PTPRN2: variants seen among roughly 807,000 people sequenced by gnomAD.
PTPRN2 encodes the protein protein tyrosine phosphatase receptor type N2, also known as receptor-type tyrosine-protein phosphatase N2.
In PTPRN2, 74 loss-of-function variants were observed where a neutral mutation model predicts 118.8. The observed-to-expected ratio is 0.62, with a 90% CI of 0.52 to 0.76. PTPRN2 has a LOEUF of 0.76. Ranked by LOEUF, PTPRN2 falls within the 30% of genes least tolerant of loss-of-function variation. PTPRN2 has a pLI of 0.00. For synonymous variants in PTPRN2, 641 were observed against 608.0 expected (o/e 1.05, Z -0.80); for missense variants, 1,481 against 1,394.4 (o/e 1.06, Z -0.99).
intron 3 of PTPRN2, among the ~76,000 whole-genome samples, chr7:158,245,221 AACCC>A (rs1796157231): frequency 2.0e-5 from 2 of 99,304 alleles, no homozygotes; most frequent in Non-Finnish European, 4.5e-5. Context: ...GTCATGCCGG[AACCC>A]ATGGCCATGC....
intron 9 of PTPRN2, among the ~76,000 whole-genome samples, chr7:158,118,288 T>A (rs1816887577): frequency 6.6e-6 from 1 of 152,314 alleles, no homozygotes; most frequent in East Asian, 1.9e-4. Context: ...TAAAGGAGCA[T>A]AATTTTTGTA....
rs112305931 is a variant in PTPRN2 at position 158,388,131 on chromosome 7, C to T, written c.164-71199G>A. 2.5e-3 allele frequency among the ~76,000 whole-genome samples: 379 copies of T among 152,264 alleles called. 1 individual carries two copies. Among genetic ancestry groups the T allele is most frequent in the African/African-American group, 8.6e-3 (357 of 41,548 alleles). ...ACCCCAGGATGTAGCCACCTCTCCCCTGTGTCGGCTTCACTCTGCAGGTCT... is the reference window on the plus strand; with the variant it reads ...ACCCCAGGATGTAGCCACCTCTCCCTTGTGTCGGCTTCACTCTGCAGGTCT... On this transcript the variant is annotated intron_variant, in intron 2 of 22. Coordinates refer to ENST00000389418, the MANE Select transcript of PTPRN2 (RefSeq NM_002847.5).
intron 11 of PTPRN2, among the ~76,000 whole-genome samples, chr7:158,027,114 C>T (rs1026514501): frequency 2.6e-5 from 4 of 152,186 alleles, no homozygotes; most frequent in Non-Finnish European, 4.4e-5. Flanking sequence ...TCACCCACCC[C>T]AGCCCCAGGC....
At chr7:157,628,303 C>T (rs1398153227) in intron 14 of PTPRN2, among the ~76,000 whole-genome samples, 2 of 152,242 alleles carry the variant, frequency 1.3e-5, no homozygotes, top group Non-Finnish European at 2.9e-5. Flanking sequence ...AAATGGTCAA[C>T]ACCTTGAGGT....
intron 11 of PTPRN2, among the ~76,000 whole-genome samples, chr7:157,932,578 T>C (rs1438551405): frequency 6.6e-6 from 1 of 150,936 alleles, no homozygotes; most frequent in African/African-American, 2.4e-5. Flanking sequence ...GGTGAGTCAC[T>C]TGGACATTTT....
chr7:158,209,734 T>C lies in PTPRN2; in HGVS notation c.278-4461A>G, dbSNP rs984743824. 2.0e-5 allele frequency among the ~76,000 whole-genome samples: 3 copies of C among 152,242 alleles called. 1 individual carries two copies. Among genetic ancestry groups the C allele is most frequent in the Non-Finnish European group, 4.4e-5 (3 of 68,040 alleles). On this transcript the variant is annotated intron_variant, in intron 3 of 22. Transcript: ENST00000389418. Reference sequence around the variant, plus strand: ...TACAGAACATTTCATTCAATGGCTATGAAATCCACATTCTTCTCCTCAACA... The same window carrying C: ...TACAGAACATTTCATTCAATGGCTACGAAATCCACATTCTTCTCCTCAACA...
At chr7:157,719,737 T>G (rs1008540656) in intron 12 of PTPRN2, among the ~76,000 whole-genome samples, 1 of 152,196 alleles carries the variant, frequency 6.6e-6, no homozygotes, top group Non-Finnish European at 1.5e-5. Context: ...CCCAGACCCC[T>G]CTCTGAAGAC....
Position 158,360,071 on chromosome 7 carries a change from C to T in PTPRN2, c.164-43139G>A, listed in dbSNP as rs193059013. On this transcript the variant is annotated intron_variant, in intron 2 of 22. Transcript: ENST00000389418. ...CCCACACCCAGGACGACGCACAGACCCCACATCCACCCTCACCCAGGATGA... is the reference window on the plus strand; with the variant it reads ...CCCACACCCAGGACGACGCACAGACTCCACATCCACCCTCACCCAGGATGA... Among the ~76,000 whole-genome samples, 142 of 130,326 alleles carry T rather than the reference C, an allele frequency of 1.1e-3. 1 individual carries two copies. Among genetic ancestry groups the T allele is most frequent in the African/African-American group, 3.6e-3 (124 of 34,110 alleles). 85.5% of individuals were successfully genotyped at this position (130,326 alleles called of 152,430 possible).
intron 6 of PTPRN2, among the ~76,000 whole-genome samples, chr7:158,155,595 T>C (rs1448112181): frequency 4.4e-5 from 1 of 22,524 alleles, no homozygotes; most frequent in Non-Finnish European, 1.1e-4. Flanking sequence ...ATCATCACCA[T>C]CATCATCACC....
Position 158,574,180 on chromosome 7 carries a change from T to C in PTPRN2, c.112+13378A>G, listed in dbSNP as rs561653874. ...GATGAGCACTGTTCTCAGCATATAT[T>C]GTGCATCGAGACAGCAAATAACCAT... On this transcript the variant is annotated intron_variant, in intron 1 of 22. Transcript: ENST00000389418. This position sits in a 1 kb window ranked among gnomAD's most constrained non-coding sequence, Gnocchi z 4.6. Among the ~76,000 whole-genome samples the C allele has an allele frequency of 5.3e-5, 8 of 152,298 alleles. No individual in the cohort carries two copies. In the South Asian group the frequency reaches 1.7e-3, roughly 32 times the overall value.
chr7:157,665,464 C>G (rs1220550030), intron 13 of PTPRN2, among the ~76,000 whole-genome samples: 1 of 152,194 alleles, frequency 6.6e-6, no homozygotes, highest in Non-Finnish European at 1.5e-5. Flanking sequence ...GAATTCCCTC[C>G]CCACTCTGAG....
chr7:158,004,736 C>G (rs1164969353), intron 11 of PTPRN2, among the ~76,000 whole-genome samples: 1 of 152,210 alleles, frequency 6.6e-6, no homozygotes, highest in Non-Finnish European at 1.5e-5. Flanking sequence ...CAAACCATCT[C>G]CTTCAAGCAA....
intron 11 of PTPRN2, among the ~76,000 whole-genome samples, chr7:158,005,219 C>T (rs985360380): frequency 3.3e-5 from 5 of 152,004 alleles, no homozygotes; most frequent in Non-Finnish European, 5.9e-5. Flanking sequence ...GGATTACAGG[C>T]GTGAGCCACC....
rs955795225 is a variant in PTPRN2, at chr7:157,690,484, C to T, written c.1789-7547G>A. On this transcript the variant is annotated intron_variant, in intron 12 of 22. Coordinates refer to ENST00000389418, the MANE Select transcript of PTPRN2 (RefSeq NM_002847.5). The surrounding 1 kb of genome is among the most constrained non-coding windows in gnomAD (Gnocchi z 7.1). ...TCCCTCCGCCCCCATCCCAGCCTCT[C>T]TCGCCTCTTCCAGGGCCCACCCAAC... 7.9e-5 allele frequency among the ~76,000 whole-genome samples: 12 copies of T among 152,220 alleles called. No individual in the cohort carries two copies. Among genetic ancestry groups the T allele is most frequent in the Admixed American group, 7.2e-4 (11 of 15,308 alleles).
chr7:158,253,547 C>T (rs570887403), intron 3 of PTPRN2, among the ~76,000 whole-genome samples: 51 of 152,286 alleles, frequency 3.3e-4, no homozygotes, highest in Middle Eastern at 3.4e-3. Flanking sequence ...CCAGAGCACA[C>T]GCCAGACTCC....
At chr7:158,564,580 A>G (rs1046100340) in intron 1 of PTPRN2, among the ~76,000 whole-genome samples, 1 of 152,316 alleles carries the variant, frequency 6.6e-6, no homozygotes, top group Non-Finnish European at 1.5e-5. Context: ...AGACGGGTGC[A>G]TGCCAGGCCC....
intron 12 of PTPRN2, among the ~76,000 whole-genome samples, chr7:157,743,767 G>A (rs970538151): frequency 2.6e-5 from 4 of 152,040 alleles, no homozygotes; most frequent in Admixed American, 6.5e-5. Context: ...TTGGGCTCTC[G>A]GCAAGGCTGT....
chr7:158,040,750 T>TTTTTTTG (rs1808405742), intron 11 of PTPRN2, among the ~76,000 whole-genome samples: 1 of 150,102 alleles, frequency 6.7e-6, no homozygotes, highest in African/African-American at 2.5e-5. Flanking sequence ...TTTTTTTTTT[T>TTTTTTTG]GAGATGGAAT....
intron 1 of PTPRN2, among the ~76,000 whole-genome samples, chr7:158,501,375 C>G (rs1291000497): frequency 6.6e-6 from 1 of 152,344 alleles, no homozygotes; most frequent in East Asian, 1.9e-4. Flanking sequence ...ATGGAGCGCC[C>G]CAGTTCAGGA....
Sources: allele counts gnomAD v4.1 joint callset (sites outside exome capture counted in the v4.1 genomes callset), GRCh38; gene constraint gnomAD v4.1.1; non-coding constraint Gnocchi (gnomAD v3.1); transcripts MANE v1.5; gene names NCBI Gene and HGNC (gene_info 2026-07-23, HGNC 2026-07-21).